Variants in EDAR observed in about 807,000 individuals in gnomAD.
EDAR encodes tumor necrosis factor receptor superfamily member EDAR.
EDAR carries 38 observed loss-of-function variants against 51.3 expected under a neutral mutation model. The ratio of observed to expected loss-of-function variants is 0.74; its 90% confidence interval spans 0.57 to 0.97. The LOEUF is 0.97. EDAR is among the 50% of genes least tolerant of loss of function. EDAR has a pLI of 0.00. For missense variants in EDAR, 528 were observed against 595.0 expected (o/e 0.89, Z 1.17); for synonymous variants, 227 against 242.1 (o/e 0.94, Z 0.58).
chr2:108,980,676 A>G (rs528590209), intron 1 of EDAR, among the ~76,000 whole-genome samples: 43 of 152,236 alleles, frequency 2.8e-4, no homozygotes, highest in African/African-American at 9.6e-4. Context: ...ACGACGTGTT[A>G]GCATAGACCT....
At chr2:108,907,804 G>A (rs1435499629) in intron 10 of EDAR, 56 bp downstream of exon 10, 1 of 1,602,530 alleles carries the variant, frequency 6.2e-7, no homozygotes, top group Admixed American at 1.7e-5. Context: ...TTTTAGTCTT[G>A]CGGCTGTGAG....
intron 1 of EDAR, among the ~76,000 whole-genome samples, chr2:108,946,897 T>C (rs536351906): frequency 6.6e-6 from 1 of 151,262 alleles, no homozygotes; most frequent in Non-Finnish European, 1.5e-5. Flanking sequence ...AAATCTCATC[T>C]TTTTTTTCAC....
At chr2:108,917,460 A>AT (rs1697048505) in intron 5 of EDAR, among the ~76,000 whole-genome samples, 1 of 152,334 alleles carries the variant, frequency 6.6e-6, no homozygotes, top group South Asian at 2.1e-4. Context: ...CATGGATATC[A>AT]TAATTACCCT....
At chr2:108,952,545 C>T (rs181607699) in intron 1 of EDAR, among the ~76,000 whole-genome samples, 222 of 152,316 alleles carry the variant, frequency 1.5e-3, no homozygotes, top group Admixed American at 3.7e-3. Flanking sequence ...ATACTTTTCA[C>T]TTCTAGGATT....
Position 108,906,341 on chromosome 2 carries a change from C to T in EDAR, c.991G>A (p.Asp331Asn), listed in dbSNP as rs374079078. ...GIQSRRKKIL[D>N]VYANVCGVVE... Reference sequence around the variant, plus strand: ...ACTCCACACACGTTGGCATACACATCGAGGATCTTTTTCCTCCGGCTTTGA... The same window carrying T: ...ACTCCACACACGTTGGCATACACATTGAGGATCTTTTTCCTCCGGCTTTGA... Residue 331 changes from aspartate to asparagine, a missense_variant, in exon 11 of 12, where the codon GAT becomes AAT. By Grantham distance (23) the Asp-to-Asn change is conservative. Transcript: ENST00000258443. 1.9e-5 allele frequency: 31 copies of T among 1,614,180 alleles called. No individual in the cohort carries two copies. The highest frequency in any genetic ancestry group is 1.9e-4 in the African/African-American group (14 of 75,046).
At chr2:108,984,810 A>G (rs997590801) in intron 1 of EDAR, among the ~76,000 whole-genome samples, 1 of 152,112 alleles carries the variant, frequency 6.6e-6, no homozygotes, top group East Asian at 1.9e-4. Context: ...GTTACTCACT[A>G]CATCCCAGCA....
intron 1 of EDAR, among the ~76,000 whole-genome samples, chr2:108,933,075 G>A (rs1159877146): frequency 1.3e-5 from 2 of 152,174 alleles, no homozygotes. Flanking sequence ...AAAATCCAAA[G>A]GAACTTCAGT....
intron 1 of EDAR, among the ~76,000 whole-genome samples, chr2:108,983,130 T>C (rs1483672367): frequency 6.6e-6 from 1 of 152,212 alleles, no homozygotes; most frequent in Non-Finnish European, 1.5e-5. Flanking sequence ...TGCCCTCCCT[T>C]GGCCACGCTT....
chr2:108,917,299 T>C (rs191030919), intron 5 of EDAR, among the ~76,000 whole-genome samples: 120 of 152,158 alleles, frequency 7.9e-4, no homozygotes, highest in African/African-American at 2.8e-3. Flanking sequence ...GGTTAACAAA[T>C]ACAAAAGTCC....
At chr2:108,923,321 T>G (rs758801305) in intron 5 of EDAR, 47 bp downstream of exon 5, 1 of 1,572,078 alleles carries the variant, frequency 6.4e-7, no homozygotes, top group Non-Finnish European at 8.8e-7. Flanking sequence ...GTGAAAGGGA[T>G]CCGTGCTGAA....
At chr2:108,946,801 C>A (rs1697721765) in intron 1 of EDAR, among the ~76,000 whole-genome samples, 1 of 152,182 alleles carries the variant, frequency 6.6e-6, no homozygotes, top group Non-Finnish European at 1.5e-5. Flanking sequence ...CACCATGTTT[C>A]TCCCTTGACA....
chr2:108,981,495 T>C (rs982312267), intron 1 of EDAR, among the ~76,000 whole-genome samples: 3 of 152,168 alleles, frequency 2.0e-5, no homozygotes, highest in Non-Finnish European at 4.4e-5. Flanking sequence ...CATTTTCCGC[T>C]CTAGCTCCCA....
Position 108,895,597 on chromosome 2 carries a change from C to G in EDAR, c.*1310G>C, listed in dbSNP as rs1479729543. The G allele has an allele frequency of 6.6e-6, 1 of 152,212 alleles. No individual in the cohort carries two copies. Among genetic ancestry groups the G allele is most frequent in the African/African-American group, 2.4e-5 (1 of 41,444 alleles). 9.4% of individuals were successfully genotyped at this position (152,212 alleles called of 1,614,324 possible). On this transcript the variant is annotated 3_prime_UTR_variant, in exon 12 of 12. Coordinates refer to ENST00000258443, the MANE Select transcript of EDAR (RefSeq NM_022336.4). Reference sequence around the variant, plus strand: ...GGACAAACCACACTGTGTTGACTTCCATAGAGCACCTCAAAGGCCTGGCAT... The same window carrying G: ...GGACAAACCACACTGTGTTGACTTCGATAGAGCACCTCAAAGGCCTGGCAT...
At position 108,936,812 on chromosome 2, in the gene EDAR, G is replaced by A. The variant is rs74994653; in HGVS notation, c.-18-5780C>T. On this transcript the variant is annotated intron_variant, in intron 1 of 11. Transcript: ENST00000258443. Reference sequence around the variant, plus strand: ...TTCTCTTTCCACTTCTGCTTTAGTCGGATCTGTTTCACCGGAGCAGGAGGA... The same window carrying A: ...TTCTCTTTCCACTTCTGCTTTAGTCAGATCTGTTTCACCGGAGCAGGAGGA... Among the ~76,000 whole-genome samples, 1,304 of 152,302 alleles carry A rather than the reference G, an allele frequency of 8.6e-3. 20 individuals carry two copies. The highest frequency in any genetic ancestry group is 0.03 in the African/African-American group (1,249 of 41,574).
intron 11 of EDAR, among the ~76,000 whole-genome samples, chr2:108,903,866 A>C (rs1696751559): frequency 6.6e-6 from 1 of 152,208 alleles, no homozygotes. Context: ...GTGGGAGCAA[A>C]TCTCTGGGAT....
At chr2:108,931,829 CAAAG>C (rs1697371999) in intron 1 of EDAR, among the ~76,000 whole-genome samples, 1 of 152,010 alleles carries the variant, frequency 6.6e-6, no homozygotes, top group African/African-American at 2.4e-5. Context: ...CCTGGCTCTA[CAAAG>C]AGAGATAATG....
chr2:108,944,331 C>A (rs981604858), intron 1 of EDAR, among the ~76,000 whole-genome samples: 15 of 152,200 alleles, frequency 9.9e-5, no homozygotes, highest in African/African-American at 3.6e-4. Context: ...CGGGGCTGGT[C>A]CTGAACTCCT....
intron 1 of EDAR, among the ~76,000 whole-genome samples, chr2:108,969,857 G>T (rs260694): frequency 0.96 from 146,613 of 152,282 alleles, 70,736 homozygotes; most frequent in Non-Finnish European, 1. Context: ...CTTGTGCAGG[G>T]ATCCAAAAAG....
intron 1 of EDAR, chr2:108,940,073 T>C (rs1237727915): frequency 6.6e-6 from 1 of 152,264 alleles, no homozygotes; most frequent in African/African-American, 2.4e-5. Context: ...TCAATTTGAC[T>C]GAGACGATAG....
Sources: gnomAD v4.1 joint callset for allele counts (sites outside exome capture counted in the v4.1 genomes callset) on GRCh38, gnomAD v4.1.1 for gene constraint, MANE v1.5 for transcripts, NCBI Gene and HGNC (gene_info 2026-07-23, HGNC 2026-07-21) for gene names.